Variants in OPCML observed in about 807,000 individuals in gnomAD.
OPCML encodes opioid binding protein/cell adhesion molecule like, also known as opioid-binding protein/cell adhesion molecule.
OPCML carries 13 observed loss-of-function variants against 37.8 expected under a neutral mutation model. The ratio of observed to expected loss-of-function variants is 0.34; its 90% CI spans 0.22 to 0.55. The LOEUF is 0.55. Among genes scored for constraint, OPCML ranks in the 20% least tolerant of loss-of-function variants. OPCML has a pLI of 0.91. For synonymous variants in OPCML, 176 were observed against 168.8 expected, an observed-to-expected ratio of 1.04 and a Z score of -0.33; for missense variants, 341 against 435.6, an observed-to-expected ratio of 0.78 and a Z score of 1.93.
chr11:133,220,920 G>A (rs542470328), intron 1 of OPCML, among the ~76,000 whole-genome samples: 57 of 152,306 alleles, frequency 3.7e-4, no homozygotes, highest in South Asian at 2.1e-4. Context: ...CCTCAGTGGT[G>A]CGTCACTGAC....
intron 1 of OPCML, among the ~76,000 whole-genome samples, chr11:133,140,654 GGAAGAAAA>G (rs1480480221): frequency 7.9e-4 from 71 of 89,706 alleles, no homozygotes; most frequent in African/African-American, 2.7e-3. Context: ...AAGAGGAAGA[GGAAGAAAA>G]GAAGAAAAGA....
intron 2 of OPCML, among the ~76,000 whole-genome samples, chr11:132,831,643 C>G (rs544374922): frequency 6.6e-6 from 1 of 152,190 alleles, no homozygotes; most frequent in African/African-American, 2.4e-5. Flanking sequence ...CCAGGAATGA[C>G]CACTCGAGAC....
chr11:133,362,477 C>T (rs540361906), intron 1 of OPCML, among the ~76,000 whole-genome samples: 2 of 152,110 alleles, frequency 1.3e-5, no homozygotes, highest in African/African-American at 4.8e-5. Flanking sequence ...CTTAGGCCTC[C>T]GGGGAAGTGA....
chr11:132,555,868 A>T (rs1019477863), intron 3 of OPCML, among the ~76,000 whole-genome samples: 1 of 152,178 alleles, frequency 6.6e-6, no homozygotes, highest in African/African-American at 2.4e-5. Context: ...TCAACAAAGG[A>T]TGATCTCTTT....
At position 133,458,523 on chromosome 11, in the gene OPCML, CTGTGTGTGTATACACATATATACACGT is replaced by C. The variant is rs1946759716; in HGVS notation, c.61+73714_61+73740del. Among the ~76,000 whole-genome samples the C allele has an allele frequency of 1.1e-4, 10 of 94,306 alleles. 3 individuals are homozygous for C. The African/African-American group carries it at 1.7e-3, about 16-fold the overall frequency. 61.9% of individuals were successfully genotyped at this position (94,306 alleles called of 152,430 possible). On this transcript the variant is annotated intron_variant, in intron 1 of 7. Coordinates refer to ENST00000524381, the MANE Select transcript of OPCML (RefSeq NM_001012393.5). ...GTGTGTGTATATACACATATATACA[CTGTGTGTGTATACACATATATACACGT>C]GTGTGTGTATACACATATATACACG...
intron 2 of OPCML, among the ~76,000 whole-genome samples, chr11:132,697,347 A>G (rs968633934): frequency 1.3e-5 from 2 of 152,216 alleles, no homozygotes; most frequent in African/African-American, 2.4e-5. Flanking sequence ...ATTATTAACT[A>G]CAGTCACAGT....
rs189331595 is a variant in OPCML at position 133,129,606 on chromosome 11, A to T, written c.62-186596T>A. Reference sequence around the variant, plus strand: ...GCATTTAGTTTAAAAAGTATCAGGCATGTAAAGAAGCAAGGACTGGGTGTG... The same window carrying T: ...GCATTTAGTTTAAAAAGTATCAGGCTTGTAAAGAAGCAAGGACTGGGTGTG... On this transcript the variant is annotated intron_variant, in intron 1 of 7. Coordinates refer to ENST00000524381, the MANE Select transcript of OPCML (RefSeq NM_001012393.5). Among the ~76,000 whole-genome samples the T allele has an allele frequency of 2.6e-3, 391 of 152,324 alleles. 3 individuals carry two copies. The highest frequency in any genetic ancestry group is 9.3e-3 in the African/African-American group (385 of 41,580).
chr11:133,207,793 G>A (rs1939154437), intron 1 of OPCML, among the ~76,000 whole-genome samples: 1 of 152,038 alleles, frequency 6.6e-6, no homozygotes, highest in Non-Finnish European at 1.5e-5. Flanking sequence ...ATACATTGCC[G>A]TCACTATGAT....
chr11:133,027,699 G>A (rs1169974304), intron 1 of OPCML, among the ~76,000 whole-genome samples: 2 of 43,730 alleles, frequency 4.6e-5, no homozygotes, highest in East Asian at 1.6e-3. Context: ...TGGGTGGTAT[G>A]TGTCATGTGT....
At chr11:132,743,265 A>G (rs1945499381) in intron 2 of OPCML, among the ~76,000 whole-genome samples, 1 of 152,126 alleles carries the variant, frequency 6.6e-6, no homozygotes. Context: ...AAAATGGTAA[A>G]TACTTGAGAC....
At chr11:133,288,812 C>T (rs576758683) in intron 1 of OPCML, among the ~76,000 whole-genome samples, 1 of 152,156 alleles carries the variant, frequency 6.6e-6, no homozygotes, top group Non-Finnish European at 1.5e-5. Flanking sequence ...GGGGTTAGTT[C>T]ACAGGAGGCC....
At chr11:132,722,159 GT>G (rs1165505680) in intron 2 of OPCML, among the ~76,000 whole-genome samples, 1 of 151,460 alleles carries the variant, frequency 6.6e-6, no homozygotes, top group African/African-American at 2.4e-5. Flanking sequence ...GTTTCACAGT[GT>G]TAGCCAGGAT....
chr11:132,521,796 A>T (rs769831594), intron 4 of OPCML, among the ~76,000 whole-genome samples: 4 of 152,098 alleles, frequency 2.6e-5, no homozygotes, highest in Non-Finnish European at 4.4e-5. Context: ...AATTAAAAAT[A>T]AATAAAGTTA....
chr11:133,201,224 C>G (rs1038036700), intron 1 of OPCML, among the ~76,000 whole-genome samples: 10 of 151,932 alleles, frequency 6.6e-5, no homozygotes, highest in African/African-American at 1.9e-4. Context: ...GCGCCAAACT[C>G]CCAGGACACA....
intron 1 of OPCML, chr11:133,006,793 G>A (rs1947121926): frequency 1.0e-6 from 1 of 985,424 alleles, no homozygotes; most frequent in Non-Finnish European, 1.2e-6. Flanking sequence ...AGCAGGTCCT[G>A]CCTTCCACTC....
rs1949350858 is a variant in OPCML, at chr11:133,117,235, G to C, written c.62-174225C>G. 1.3e-5 allele frequency among the ~76,000 whole-genome samples: 2 copies of C among 152,150 alleles called. 1 individual carries two copies. Among genetic ancestry groups the C allele is most frequent in the South Asian group, 4.1e-4 (2 of 4,822 alleles). Reference sequence around the variant, plus strand: ...TCTTTATTTTGTGGACCATGAAGATGTTCTAGGTTCATCCTGCAGACCCTA... The same window carrying C: ...TCTTTATTTTGTGGACCATGAAGATCTTCTAGGTTCATCCTGCAGACCCTA... On this transcript the variant is annotated intron_variant, in intron 1 of 7. Coordinates refer to ENST00000524381, the MANE Select transcript of OPCML (RefSeq NM_001012393.5).
At chr11:132,903,316 C>T (rs930074774) in intron 2 of OPCML, among the ~76,000 whole-genome samples, 2 of 152,150 alleles carry the variant, frequency 1.3e-5, no homozygotes, top group African/African-American at 2.4e-5. Context: ...AATATTTATG[C>T]CATAAACTAG....
At chr11:132,865,679 G>A (rs563118859) in intron 2 of OPCML, among the ~76,000 whole-genome samples, 7 of 152,230 alleles carry the variant, frequency 4.6e-5, no homozygotes, top group East Asian at 1.9e-4. Context: ...TGGGGGAGTC[G>A]CCAAGACCAA....
intron 1 of OPCML, among the ~76,000 whole-genome samples, chr11:133,443,487 TTC>T (rs1028941953): frequency 1.3e-5 from 2 of 152,240 alleles, no homozygotes; most frequent in Non-Finnish European, 2.9e-5. Flanking sequence ...TAGGCTCCTA[TTC>T]TCTCTTCCTT....
Sources: allele counts gnomAD v4.1 joint callset (sites outside exome capture counted in the v4.1 genomes callset), GRCh38; gene constraint gnomAD v4.1.1; transcripts MANE v1.5; gene names NCBI Gene and HGNC (gene_info 2026-07-23, HGNC 2026-07-21).